The following PSPH variants were observed in gnomAD, a reference collection of about 807,000 sequenced individuals.
PSPH encodes L-3-phosphoserine phosphatase.
Under a neutral mutation model 23.4 loss-of-function variants are expected in PSPH, and 16 were observed. The ratio of observed to expected loss-of-function variants is 0.68; its 90% CI spans 0.46 to 1.04. The LOEUF is 1.04. PSPH is among the 50% of genes least tolerant of loss of function. The pLI is 0.00. For synonymous variants in PSPH, 68 were observed against 99.7 expected, an observed-to-expected ratio of 0.68 and a Z score of 1.89; for missense variants, 223 against 273.7, an observed-to-expected ratio of 0.81 and a Z score of 1.31.
At chr7:56,018,416 T>G (rs1439554925) in intron 5 of PSPH, among the ~76,000 whole-genome samples, 4 of 151,804 alleles carry the variant, frequency 2.6e-5, no homozygotes, top group Non-Finnish European at 5.9e-5. Flanking sequence ...AGAACTCTAC[T>G]CTGCCCATGG....
At chr7:56,039,772 C>T (rs1403578101) in intron 1 of PSPH, among the ~76,000 whole-genome samples, 109 of 100,362 alleles carry the variant, frequency 1.1e-3, no homozygotes, top group African/African-American at 4.2e-3. Context: ...AAGACTCTGT[C>T]TCAAAAAAAA....
chr7:56,035,177 G>A (rs576423571), intron 1 of PSPH, among the ~76,000 whole-genome samples: 82 of 152,190 alleles, frequency 5.4e-4, no homozygotes, highest in Non-Finnish European at 7.8e-4. Context: ...TCCATCTCCA[G>A]CAAAAATACA....
intron 1 of PSPH, among the ~76,000 whole-genome samples, chr7:56,050,789 G>A (rs1793935405): frequency 6.6e-6 from 1 of 152,202 alleles, no homozygotes; most frequent in Non-Finnish European, 1.5e-5. Context: ...AACTTTGCTT[G>A]TCTCTAGTGT....
chr7:56,031,203 G>A (rs1403848929), intron 3 of PSPH, among the ~76,000 whole-genome samples: 1 of 149,402 alleles, frequency 6.7e-6, no homozygotes, highest in African/African-American at 2.5e-5. Context: ...GGGCGACAGA[G>A]CGAGACTCCG....
intron 6 of PSPH, among the ~76,000 whole-genome samples, chr7:56,015,963 T>C (rs750430950): frequency 6.6e-6 from 1 of 151,632 alleles, no homozygotes; most frequent in African/African-American, 2.4e-5. Context: ...CCAGCCTTAA[T>C]ATATTAAATT....
At chr7:56,043,928 A>G (rs1294915135) in intron 1 of PSPH, among the ~76,000 whole-genome samples, 1 of 152,158 alleles carries the variant, frequency 6.6e-6, no homozygotes, top group Admixed American at 6.6e-5. Flanking sequence ...AGTTTTGAAC[A>G]TACAGGAATT....
At position 56,021,176 on chromosome 7, in the gene PSPH, A is replaced by C; in HGVS notation, c.37T>G (p.Ser13Ala). ...ACATCAAAACACACAGCATCTGCTG[A>C]GTAGAAAAGCTTCCTCAGCTCTGAG... ...SHSELRKLFY[S>A]ADAVCFDVDS... The change falls in exon 4 of 8, where the codon TCA becomes GCA. Residue 13 changes from serine (S) to alanine (A), a missense_variant. By Grantham distance (99) the Ser-to-Ala change is moderately conservative. Transcript: ENST00000275605. 2 of 1,614,180 alleles carry C rather than the reference A, an allele frequency of 1.2e-6. No individual in the cohort carries two copies. The highest frequency in any genetic ancestry group is 1.7e-6 in the Non-Finnish European group (2 of 1,179,972).
At chr7:56,034,868 T>C (rs982685504) in intron 1 of PSPH, among the ~76,000 whole-genome samples, 2 of 151,042 alleles carry the variant, frequency 1.3e-5, no homozygotes, top group African/African-American at 4.9e-5. Context: ...AAAATGAGAG[T>C]CTTTGCACCT....
In PSPH at chr7:56,020,990, G is replaced by A. The variant is rs931171084; in HGVS notation, c.140+83C>T. Reference sequence around the variant, plus strand: ...AAAAGCCTAGTGCAAATGTTCCATAGCCAGGGTCTAGCACTTCATCCAAAA... The same window carrying A: ...AAAAGCCTAGTGCAAATGTTCCATAACCAGGGTCTAGCACTTCATCCAAAA... On this transcript the variant is annotated intron_variant, in intron 4 of 7. Coordinates refer to ENST00000275605, the MANE Select transcript of PSPH (RefSeq NM_004577.4). 4.6e-6 allele frequency: 7 copies of A among 1,522,208 alleles called. No individual in the cohort carries two copies. The African/African-American group carries it at 7.0e-5, about 15-fold the overall frequency. The allele number at this position is 1,522,208 out of a possible 1,614,324, so 94.3% of individuals were successfully genotyped here.
In PSPH at chr7:56,011,629, T is replaced by C. The variant is rs1787920773; in HGVS notation, c.*133A>G. 1.1e-5 allele frequency: 7 copies of C among 666,144 alleles called. No individual in the cohort carries two copies. Among genetic ancestry groups the C allele is most frequent in the Admixed American group, 7.4e-5 (3 of 40,460 alleles). The allele number at this position is 666,144 out of a possible 1,614,324, so 41.3% of individuals were successfully genotyped here. A position where few individuals can be genotyped will look rare whatever the true frequency, so the allele number is the denominator to read the frequency against. ...AGCAATCTTCTAGGATTCCTAACTG[T>C]AGTTTAAAGTACAGATCATTTGTAC... On this transcript the variant is annotated 3_prime_UTR_variant, in exon 8 of 8. Transcript: ENST00000275605.
chr7:56,040,417 G>A (rs982532801), intron 1 of PSPH, among the ~76,000 whole-genome samples: 2 of 151,820 alleles, frequency 1.3e-5, no homozygotes, highest in African/African-American at 2.4e-5. Flanking sequence ...TTGGGACAGG[G>A]TCTGGCTCTG....
chr7:56,029,056 T>C (rs1311342814), intron 3 of PSPH, among the ~76,000 whole-genome samples: 1 of 151,510 alleles, frequency 6.6e-6, no homozygotes, highest in African/African-American at 2.4e-5. Flanking sequence ...CTCAAGTGAT[T>C]CACCTGCCTC....
intron 7 of PSPH, among the ~76,000 whole-genome samples, chr7:56,014,697 A>C (rs549880278): frequency 6.6e-6 from 1 of 152,170 alleles, no homozygotes; most frequent in African/African-American, 2.4e-5. Context: ...TAATCCCAGC[A>C]CTTTGGGAGG....
intron 1 of PSPH, among the ~76,000 whole-genome samples, chr7:56,040,305 G>A (rs1290888532): frequency 6.6e-6 from 1 of 151,954 alleles, no homozygotes. Flanking sequence ...ATCTCTATGT[G>A]TGTCTATATC....
intron 4 of PSPH, among the ~76,000 whole-genome samples, chr7:56,020,054 T>TA (rs36167374): frequency 0.057 from 8,063 of 142,546 alleles, 177 homozygotes; most frequent in Middle Eastern, 0.084. Flanking sequence ...CCATCTTTAC[T>TA]AAAAAAATGC....
intron 4 of PSPH, among the ~76,000 whole-genome samples, chr7:56,020,482 G>A (rs1313669312): frequency 3.3e-5 from 5 of 150,706 alleles, no homozygotes; most frequent in Non-Finnish European, 5.9e-5. Flanking sequence ...AAAATTAGCC[G>A]AGCGTGGTGG....
chr7:56,014,956 GAAAT>G (rs1319026309), intron 7 of PSPH, 63 bp downstream of exon 7: 2 of 1,427,122 alleles, frequency 1.4e-6, no homozygotes, highest in Non-Finnish European at 1.9e-6. Context: ...AAAAAATAAA[GAAAT>G]AATAAATAAA....
chr7:56,038,454 G>A (rs1022783430), intron 1 of PSPH, among the ~76,000 whole-genome samples: 7 of 151,986 alleles, frequency 4.6e-5, no homozygotes, highest in African/African-American at 1.4e-4. Context: ...GCGAGACTCC[G>A]TCTAAAAAAC....
intron 7 of PSPH, 59 bp downstream of exon 7, chr7:56,014,960 TAATA>T (rs944351401): frequency 9.0e-6 from 13 of 1,439,880 alleles, no homozygotes; most frequent in Admixed American, 4.4e-5. Context: ...AATAAAGAAA[TAATA>T]AATAAATAAA....
Sources: allele counts gnomAD v4.1 joint callset (sites outside exome capture counted in the v4.1 genomes callset), GRCh38; gene constraint gnomAD v4.1.1; transcripts MANE v1.5; gene names NCBI Gene and HGNC (gene_info 2026-07-23, HGNC 2026-07-21).